The following DGKG variants were observed in gnomAD, a reference collection of about 807,000 sequenced individuals.
DGKG encodes the protein DAG kinase gamma.
Under a neutral mutation model 105.3 loss-of-function variants are expected in DGKG, and 78 were observed. That is an observed-to-expected ratio of 0.74 (90% CI 0.62 to 0.89). DGKG has a LOEUF of 0.89. Among genes scored for constraint, DGKG ranks in the 40% least tolerant of loss-of-function variants. The probability of loss-of-function intolerance (pLI) is 0.00; values close to 1 mark genes in which losing one functional copy is unlikely to be tolerated. For missense variants in DGKG, 958 were observed against 1,020.1 expected, an observed-to-expected ratio of 0.94 and a Z score of 0.83; for synonymous variants, 346 against 367.1, an observed-to-expected ratio of 0.94 and a Z score of 0.66.
rs558803772 is a variant in DGKG, at chr3:186,169,815, A to C, written c.2096-4797T>G. The stretch of plus-strand genomic sequence containing the variant: ...GATATAGTCAAAGAAAGAACAAGGA[A>C]GATAAGGGCATTGATGATATTGGCT... On this transcript the variant is annotated intron_variant, in intron 22 of 24. Transcript: ENST00000265022. 5.3e-5 allele frequency among the ~76,000 whole-genome samples: 8 copies of C among 152,340 alleles called. No homozygotes were observed. The South Asian group carries it at 1.7e-3, about 32-fold the overall frequency.
At chr3:186,169,381 G>A (rs867334655) in intron 22 of DGKG, among the ~76,000 whole-genome samples, 25 of 152,222 alleles carry the variant, frequency 1.6e-4, no homozygotes, top group Middle Eastern at 3.4e-3. Flanking sequence ...TCTTCTTTAC[G>A]CTTTTTGGTA....
At chr3:186,331,611 C>T (rs1221242252) in intron 1 of DGKG, among the ~76,000 whole-genome samples, 4 of 152,106 alleles carry the variant, frequency 2.6e-5, no homozygotes, top group Non-Finnish European at 5.9e-5. Flanking sequence ...ACCAAATGCC[C>T]AGGTGGGGGA....
intron 3 of DGKG, among the ~76,000 whole-genome samples, chr3:186,305,209 G>A (rs1455093395): frequency 6.6e-6 from 1 of 152,176 alleles, no homozygotes; most frequent in East Asian, 1.9e-4. Context: ...GCAGAGCAGG[G>A]GGATAGGAAA....
At position 186,211,776 on chromosome 3, in the gene DGKG, T is replaced by TCC. The variant is rs745552430; in HGVS notation, c.1917+17_1917+18dup. ...CAGAACCAAGATCCAGGAAGCCTTC[T>TCC]CCCCACTTGGGAACTTACCTCCAAC... On this transcript the variant is annotated intron_variant, in intron 21 of 24. Transcript: ENST00000265022. 6.3e-7 allele frequency: 1 copy of TCC among 1,599,562 alleles called. No homozygotes were observed. The highest frequency in any genetic ancestry group is 8.6e-7 in the Non-Finnish European group (1 of 1,166,742).
Position 186,220,557 on chromosome 3 carries a change from C to T in DGKG, c.1827-8672G>A, listed in dbSNP as rs1441255606. ...CCGAAGTCACCAGAGCTAGTGACTG[C>T]AAAGCTGTGAGTCATTCTCATTCAT... On this transcript the variant is annotated intron_variant, in intron 20 of 24. Transcript: ENST00000265022. Among the ~76,000 whole-genome samples, 6 of 152,210 alleles carry T rather than the reference C, an allele frequency of 3.9e-5. No homozygotes were observed. The South Asian group carries it at 1.2e-3, about 32-fold the overall frequency.
intron 3 of DGKG, among the ~76,000 whole-genome samples, chr3:186,305,109 A>G (rs1724164034): frequency 6.6e-6 from 1 of 152,250 alleles, no homozygotes; most frequent in African/African-American, 2.4e-5. Flanking sequence ...ACAGCAGTGA[A>G]CAAAAATATG....
chr3:186,356,867 C>G (rs1726988925), intron 1 of DGKG, among the ~76,000 whole-genome samples: 1 of 152,168 alleles, frequency 6.6e-6, no homozygotes, highest in Non-Finnish European at 1.5e-5. Flanking sequence ...CTGGTCTGCT[C>G]TTGTAGGTTT....
At chr3:186,189,431 T>C (rs1290018507) in intron 21 of DGKG, among the ~76,000 whole-genome samples, 1 of 152,238 alleles carries the variant, frequency 6.6e-6, no homozygotes, top group African/African-American at 2.4e-5. Context: ...GGTAGTTTAT[T>C]TCACTTACAG....
intron 21 of DGKG, among the ~76,000 whole-genome samples, chr3:186,196,692 C>T (rs1718198741): frequency 6.6e-6 from 1 of 152,096 alleles, no homozygotes; most frequent in Admixed American, 6.5e-5. Context: ...GGCTGAAGCA[C>T]AGAATCTTAG....
At chr3:186,211,076 T>C (rs940159390) in intron 21 of DGKG, among the ~76,000 whole-genome samples, 2 of 152,140 alleles carry the variant, frequency 1.3e-5, no homozygotes, top group African/African-American at 4.8e-5. Flanking sequence ...AGGCAGACTG[T>C]CTGAGGCAGG....
chr3:186,203,350 G>A lies in DGKG; in HGVS notation c.1917+8445C>T, dbSNP rs2108512607. ...AACATTACCCTAAGATTGAAACGAG[G>A]CCAATGTTGTAGCAGTGCTGATTCC... On this transcript the variant is annotated intron_variant, in intron 21 of 24. Coordinates refer to ENST00000265022, the MANE Select transcript of DGKG (RefSeq NM_001346.3). This position sits in a 1 kb window ranked among gnomAD's most constrained non-coding sequence, Gnocchi z 4.9. Among the ~76,000 whole-genome samples, 1 of 152,310 alleles carries A rather than the reference G, an allele frequency of 6.6e-6. No individual in the cohort carries two copies. Among genetic ancestry groups the A allele is most frequent in the East Asian group, 1.9e-4 (1 of 5,192 alleles).
chr3:186,234,281 A>G (rs546940974), intron 20 of DGKG, among the ~76,000 whole-genome samples: 2 of 152,374 alleles, frequency 1.3e-5, no homozygotes, highest in African/African-American at 4.8e-5. Flanking sequence ...GCTCGAAGAC[A>G]TCTAAAGTTC....
chr3:186,308,933 G>A (rs906077666), intron 2 of DGKG, among the ~76,000 whole-genome samples: 3 of 152,200 alleles, frequency 2.0e-5, no homozygotes, highest in Admixed American at 6.5e-5. Flanking sequence ...TCAGTTTACA[G>A]ATGAAGAAGC....
intron 17 of DGKG, among the ~76,000 whole-genome samples, chr3:186,253,646 G>A (rs1424648974): frequency 1.3e-5 from 2 of 152,148 alleles, no homozygotes; most frequent in East Asian, 1.9e-4. Flanking sequence ...CCCTGAACAC[G>A]CTCAATCTCA....
chr3:186,260,386 G>A, intron 16 of DGKG, 53 bp downstream of exon 16: 3 of 1,308,132 alleles, frequency 2.3e-6, no homozygotes, highest in East Asian at 4.6e-5. Context: ...CATCTTCATT[G>A]GAGTTTAAAA....
chr3:186,188,570 G>A (rs16860539), intron 21 of DGKG, among the ~76,000 whole-genome samples, 191 bp from the exon 22 acceptor site: 3,375 of 152,194 alleles, frequency 0.022, 118 homozygotes, highest in African/African-American at 0.078. Flanking sequence ...TTTGACTGCT[G>A]TGGTGAGATG....
At chr3:186,296,442 A>G (rs1017597492) in intron 5 of DGKG, among the ~76,000 whole-genome samples, 4 of 152,262 alleles carry the variant, frequency 2.6e-5, no homozygotes, top group African/African-American at 9.6e-5. Context: ...ATATGAGAAC[A>G]GAAATTAAGT....
At chr3:186,259,215 G>A (rs1248253581) in intron 16 of DGKG, among the ~76,000 whole-genome samples, 1 of 152,218 alleles carries the variant, frequency 6.6e-6, no homozygotes, top group African/African-American at 2.4e-5. Flanking sequence ...TATCAGCCCG[G>A]GAAGTAGCCA....
intron 10 of DGKG, among the ~76,000 whole-genome samples, chr3:186,273,367 C>CTTTTTTTTT (rs375667915): frequency 3.5e-5 from 3 of 85,598 alleles, no homozygotes; most frequent in Non-Finnish European, 6.9e-5. Context: ...TGTTGTACCC[C>CTTTTTTTTT]TTTTTTTTTT....
Sources: allele counts gnomAD v4.1 joint callset (sites outside exome capture counted in the v4.1 genomes callset), GRCh38; gene constraint gnomAD v4.1.1; non-coding constraint Gnocchi (gnomAD v3.1); transcripts MANE v1.5; gene names NCBI Gene and HGNC (gene_info 2026-07-23, HGNC 2026-07-21).